RBL2: variants seen among roughly 807,000 people sequenced by gnomAD.
RBL2 encodes retinoblastoma-like protein 2.
RBL2 carries 56 observed loss-of-function variants against 126.0 expected under a neutral mutation model. The ratio of observed to expected loss-of-function variants is 0.44; its 90% CI spans 0.36 to 0.56. RBL2 has a LOEUF of 0.56. Ranked by LOEUF, RBL2 falls within the 20% of genes least tolerant of loss-of-function variation. RBL2 has a pLI of 0.00. For missense variants in RBL2, 1,229 were observed against 1,398.2 expected (o/e 0.88, Z 1.93); for synonymous variants, 454 against 478.5 (o/e 0.95, Z 0.67).
At chr16:53,445,144 T>A in intron 3 of RBL2, among the ~76,000 whole-genome samples, 1 of 152,000 alleles carries the variant, frequency 6.6e-6, no homozygotes, top group East Asian at 1.9e-4. Flanking sequence ...CTGGACAGTA[T>A]GGCGAAACTT....
chr16:53,480,415 G>C lies in RBL2; in HGVS notation c.2882-152G>C, dbSNP rs1960894296. ...TAGGGAGAAAGTTAATATCCTAGCT[G>C]AGCTTTGCTTTTTGGTGTGAAGAAC... On this transcript the variant is annotated intron_variant, in intron 19 of 21. Coordinates refer to ENST00000262133, the MANE Select transcript of RBL2 (RefSeq NM_005611.4). The C allele has an allele frequency of 6.0e-6, 4 of 671,438 alleles. No homozygotes were observed. In the East Asian group the frequency reaches 1.0e-4, roughly 17 times the overall value. The allele number at this position is 671,438 out of a possible 1,614,324, so 41.6% of individuals were successfully genotyped here.
rs558012503 is a variant in RBL2 at position 53,463,613 on chromosome 16, G to C, written c.1561-613G>C. Among the ~76,000 whole-genome samples the C allele has an allele frequency of 9.0e-4, 123 of 137,376 alleles. 1 individual carries two copies. Among genetic ancestry groups the C allele is most frequent in the Non-Finnish European group, 1.2e-3 (77 of 66,060 alleles). The allele number at this position is 137,376 out of a possible 152,430, so 90.1% of individuals were successfully genotyped here. A position where few individuals can be genotyped will look rare whatever the true frequency, so the allele number is the denominator to read the frequency against. On this transcript the variant is annotated intron_variant, in intron 11 of 21. Coordinates refer to ENST00000262133, the MANE Select transcript of RBL2 (RefSeq NM_005611.4). ...GCCAGAGTTTCGCTCTTGTTGCTCA[G>C]GCTGGAGTGCAGTGGTGCAACGTCG...
At chr16:53,440,067 G>A (rs538240862) in intron 2 of RBL2, among the ~76,000 whole-genome samples, 1 of 152,160 alleles carries the variant, frequency 6.6e-6, no homozygotes, top group Admixed American at 6.5e-5. Context: ...AGGCCAAGGT[G>A]TGTGGATCAC....
At chr16:53,456,766 CAT>C (rs1401374101) in intron 8 of RBL2, among the ~76,000 whole-genome samples, 2 of 152,204 alleles carry the variant, frequency 1.3e-5, no homozygotes, top group Non-Finnish European at 2.9e-5. Flanking sequence ...TCAAGAGACT[CAT>C]GTGGCTTCCT....
rs112096815 is a variant in RBL2, at chr16:53,480,371, C to G, written c.2882-196C>G. On this transcript the variant is annotated intron_variant, in intron 19 of 21. Transcript: ENST00000262133. ...TATTAATGGACACTACTCAGAAAGC[C>G]CTTGCTATGGTTATGGCATAGGGAG... 13 of 585,038 alleles carry G rather than the reference C, an allele frequency of 2.2e-5. 1 individual carries two copies. The highest frequency in any genetic ancestry group is 1.7e-4 in the African/African-American group (9 of 53,720). The allele number at this position is 585,038 out of a possible 1,614,324, so 36.2% of individuals were successfully genotyped here.
intron 17 of RBL2, among the ~76,000 whole-genome samples, chr16:53,473,066 A>G (rs1000905847): frequency 2.0e-5 from 3 of 152,228 alleles, no homozygotes; most frequent in East Asian, 1.9e-4. Context: ...CTATATGCCT[A>G]TCCTTATGCA....
At chr16:53,454,968 A>G (rs759168406) in intron 8 of RBL2, 126 bp downstream of exon 8, 131 of 698,956 alleles carry the variant, frequency 1.9e-4, no homozygotes, top group Non-Finnish European at 2.5e-4. Context: ...TTCTCATCAT[A>G]CTTCTCTTAA....
At chr16:53,479,018 TA>T in intron 17 of RBL2, 135 bp from the exon 18 acceptor site, 1 of 685,140 alleles carries the variant, frequency 1.5e-6, no homozygotes, top group East Asian at 2.6e-5. Context: ...TATATGCCGT[TA>T]ATACCATTTC....
intron 4 of RBL2, 26 bp downstream of exon 4, chr16:53,447,132 G>T: frequency 8.6e-7 from 1 of 1,168,586 alleles, no homozygotes; most frequent in South Asian, 1.4e-5. Context: ...TATTTATTTA[G>T]ATTTAATATG....
intron 4 of RBL2, among the ~76,000 whole-genome samples, chr16:53,447,973 T>C (rs1230618391): frequency 6.6e-6 from 1 of 152,114 alleles, no homozygotes; most frequent in Non-Finnish European, 1.5e-5. Flanking sequence ...TAGAAACAAT[T>C]CTTTAAAGTA....
intron 9 of RBL2, among the ~76,000 whole-genome samples, chr16:53,460,387 A>G (rs115815381): frequency 6.6e-6 from 1 of 152,336 alleles, no homozygotes; most frequent in African/African-American, 2.4e-5. Flanking sequence ...TTAAATGCCA[A>G]CTACTTTTCC....
At position 53,453,603 on chromosome 16, in the gene RBL2, T is replaced by TG; in HGVS notation, c.919dup (p.Glu307GlyfsTer6). 1 of 1,602,996 alleles carries TG rather than the reference T, an allele frequency of 6.2e-7. No individual in the cohort carries two copies. Among genetic ancestry groups the TG allele is most frequent in the Non-Finnish European group, 8.5e-7 (1 of 1,175,794 alleles). ...GGAAACCCTATATTAGGAAACTTTA[T>TG]GAAAAAAAGGTTTGTAAGTAGCAAA... On this transcript the variant is annotated frameshift_variant, in exon 6 of 22. Coordinates refer to ENST00000262133, the MANE Select transcript of RBL2 (RefSeq NM_005611.4). LOFTEE classifies it high-confidence loss of function.
Position 53,470,235 on chromosome 16 carries a change from GAA to G in RBL2, c.2245+53_2245+54del, listed in dbSNP as rs1353659331. ...GAGTTCCTTCTCTGTGGCATGTATT[GAA>G]AAGTTACCCGAGGTTTGGCTAGAGT... On this transcript the variant is annotated intron_variant, in intron 15 of 21. Coordinates refer to ENST00000262133, the MANE Select transcript of RBL2 (RefSeq NM_005611.4). 6 of 1,568,964 alleles carry G rather than the reference GAA, an allele frequency of 3.8e-6. No homozygotes were observed. The Admixed American group carries it at 7.0e-5, about 18-fold the overall frequency.
In RBL2 at chr16:53,459,512, C is replaced by G; in HGVS notation, c.1241C>G (p.Pro414Arg). ...GTTAGGTACATTAAGGAGAATAGCCCTTGTGTGACTCCAGTTTCTACAGCT... is the reference window on the plus strand; with the variant it reads ...GTTAGGTACATTAAGGAGAATAGCCGTTGTGTGACTCCAGTTTCTACAGCT... ...TGVRYIKENS[P>R]CVTPVSTATH... Residue 414 changes from proline to arginine, a missense_variant, in exon 9 of 22, where the codon CCT (proline) becomes CGT (arginine). Pro to Arg is a moderately radical substitution (Grantham distance 103). Around this residue, in one of 2 missense-constraint regions of RBL2, gnomAD observed 1,070 missense variants for 1,274.3 expected, o/e 0.84. Transcript: ENST00000262133. 1 of 1,613,158 alleles carries G rather than the reference C, an allele frequency of 6.2e-7. No individual in the cohort carries two copies. The highest frequency in any genetic ancestry group is 8.5e-7 in the Non-Finnish European group (1 of 1,179,632).
At chr16:53,436,833 A>AC (rs959344272) in intron 1 of RBL2, among the ~76,000 whole-genome samples, 3 of 152,188 alleles carry the variant, frequency 2.0e-5, no homozygotes, top group Non-Finnish European at 2.9e-5. Flanking sequence ...AGAAGATGTG[A>AC]CCATGAGATG....
intron 17 of RBL2, among the ~76,000 whole-genome samples, chr16:53,477,314 C>T (rs1960763501): frequency 6.6e-6 from 1 of 152,064 alleles, no homozygotes; most frequent in African/African-American, 2.4e-5. Context: ...GCTCTAGTAA[C>T]CTTATTAATA....
chr16:53,435,578 C>A, intron 1 of RBL2: 1 of 1,235,048 alleles, frequency 8.1e-7, no homozygotes. Flanking sequence ...TATGCACCTC[C>A]CCTTCATGGG....
At chr16:53,478,441 A>G (rs904871872) in intron 17 of RBL2, among the ~76,000 whole-genome samples, 2 of 150,198 alleles carry the variant, frequency 1.3e-5, no homozygotes, top group African/African-American at 2.5e-5. Flanking sequence ...CATTACACGT[A>G]TGTTGATTTC....
At chr16:53,469,006 G>C (rs1363393818) in intron 14 of RBL2, among the ~76,000 whole-genome samples, 1 of 152,200 alleles carries the variant, frequency 6.6e-6, no homozygotes, top group East Asian at 1.9e-4. Context: ...AAGGCGGGTG[G>C]ATCACCTGAG....
Sources: allele counts gnomAD v4.1 joint callset (sites outside exome capture counted in the v4.1 genomes callset), GRCh38; gene constraint gnomAD v4.1.1; regional missense constraint gnomAD v4.1.1; transcripts MANE v1.5; gene names NCBI Gene and HGNC (gene_info 2026-07-23, HGNC 2026-07-21).